CERS5: variants seen among roughly 807,000 people sequenced by gnomAD.
The protein encoded by CERS5 is ceramide synthase 5, also known as LAG1 homolog, ceramide synthase 5.
A neutral mutation model predicts 58.9 loss-of-function variants in CERS5; 37 were observed. The observed-to-expected ratio is 0.63, with a 90% confidence interval of 0.48 to 0.83. The LOEUF is 0.83. Ranked by LOEUF, CERS5 falls within the 40% of genes least tolerant of loss-of-function variation. CERS5 has a pLI of 0.00. For missense variants in CERS5, 398 were observed against 489.3 expected (o/e 0.81, Z 1.76); for synonymous variants, 147 against 177.8 (o/e 0.83, Z 1.38).
At chr12:50,137,866 G>A (rs200952043) in intron 5 of CERS5, 46 bp from the exon 6 acceptor site, 99 of 1,256,054 alleles carry the variant, frequency 7.9e-5, no homozygotes, top group Admixed American at 4.8e-4. Context: ...AGTCAAAGGT[G>A]CATTCCATCT....
intron 1 of CERS5, among the ~76,000 whole-genome samples, chr12:50,161,344 T>C (rs972087599): frequency 2.6e-5 from 4 of 152,202 alleles, no homozygotes; most frequent in Non-Finnish European, 5.9e-5. Context: ...GTGTGGTTGA[T>C]GAGAAGGAAG....
rs759896524 is a variant in CERS5 at position 50,167,243 on chromosome 12, C to G, written c.55G>C (p.Glu19Gln). 2.5e-6 allele frequency: 4 copies of G among 1,599,358 alleles called. No homozygotes were observed. Among genetic ancestry groups the G allele is most frequent in the Middle Eastern group, 1.7e-4 (1 of 5,998 alleles). ...LSLLWGWLWS[E>Q]RFWLPENVSW... ...ACGTTCTCGGGTAGCCAGAAGCGCT[C>G]GCTCCACAGCCAGCCCCACAGCAAG... The change falls in exon 1 of 10, where the codon GAG (glutamate) becomes CAG (glutamine). Residue 19 changes from glutamate to glutamine, a missense_variant. By Grantham distance (29) the Glu-to-Gln change is conservative. Transcript: ENST00000317551.
At position 50,136,077 on chromosome 12, in the gene CERS5, G is replaced by A; in HGVS notation, c.637-8C>T. 2 of 1,478,598 alleles carry A rather than the reference G, an allele frequency of 1.4e-6. No homozygotes were observed. The highest frequency in any genetic ancestry group is 1.8e-6 in the Non-Finnish European group (2 of 1,116,678). 91.6% of individuals were successfully genotyped at this position (1,478,598 alleles called of 1,614,324 possible). A position where few individuals can be genotyped will look rare whatever the true frequency, so the allele number is the denominator to read the frequency against. On this transcript the variant is annotated splice_region_variant and splice_polypyrimidine_tract_variant and intron_variant, in intron 6 of 9. Coordinates refer to ENST00000317551, the MANE Select transcript of CERS5 (RefSeq NM_147190.5). ...AAACATGATCAGGAAGTCCTAGGAA[G>A]GAATGGAAATAGAAGAGGGAGGTAA...
chr12:50,140,284 A>ATTTTTTTTTTTTTTTTTTTTTTTTT lies in CERS5; in HGVS notation c.493-1692_493-1668dup, dbSNP rs57651378. 7.3e-5 allele frequency among the ~76,000 whole-genome samples: 7 copies of ATTTTTTTTTTTTTTTTTTTTTTTTT among 96,252 alleles called. 2 individuals carry two copies. The highest frequency in any genetic ancestry group is 2.2e-4 in the African/African-American group (5 of 22,354). The allele number at this position is 96,252 out of a possible 152,430, so 63.1% of individuals were successfully genotyped here. Reference sequence around the variant, plus strand: ...TTGAGAAGAGTTGTTTAACTTCCAAATTTTTTTTTTTTTTTTTTTTTTTTT... The same window carrying ATTTTTTTTTTTTTTTTTTTTTTTTT: ...TTGAGAAGAGTTGTTTAACTTCCAAATTTTTTTTTTTTTTTTTTTTTTTTTTTTTTTTTTTTTTTTTTTTTTTTTT... On this transcript the variant is annotated intron_variant, in intron 4 of 9. Coordinates refer to ENST00000317551, the MANE Select transcript of CERS5 (RefSeq NM_147190.5).
chr12:50,148,946 ATGTGTGTGTGTGTGTGTGTGTGTGCGTG>A (rs1952501680), intron 1 of CERS5, among the ~76,000 whole-genome samples: 40 of 103,002 alleles, frequency 3.9e-4, no homozygotes, highest in African/African-American at 6.1e-4. Context: ...ATATATATAT[ATGTGTGTGTGTGTGTGTGTGTGTGCGTG>A]TAGACATTTT....
At chr12:50,163,504 C>T (rs112996517) in intron 1 of CERS5, among the ~76,000 whole-genome samples, 1 of 151,370 alleles carries the variant, frequency 6.6e-6, no homozygotes, top group Non-Finnish European at 1.5e-5. Flanking sequence ...GGCCATGCCC[C>T]GATATTTTTG....
At chr12:50,135,224 AG>A (rs1951601056) in intron 8 of CERS5, among the ~76,000 whole-genome samples, 1 of 61,078 alleles carries the variant, frequency 1.6e-5, no homozygotes, top group Admixed American at 2.2e-4. Flanking sequence ...AGGGAGAGAG[AG>A]GAGGACAGGG....
intron 2 of CERS5, 159 bp from the exon 3 acceptor site, chr12:50,143,363 T>G: frequency 1.3e-6 from 1 of 760,828 alleles, no homozygotes; most frequent in Non-Finnish European, 2.1e-6. Flanking sequence ...AGAAATTTTA[T>G]CTTACATATC....
chr12:50,132,973 G>A (rs574625547), intron 9 of CERS5: 51 of 1,289,088 alleles, frequency 4.0e-5, no homozygotes, highest in Admixed American at 9.2e-5. Context: ...TGCAAGAGAT[G>A]AAACTGTCCA....
At chr12:50,144,848 T>C in intron 1 of CERS5, 1 of 1,453,908 alleles carries the variant, frequency 6.9e-7, no homozygotes, top group South Asian at 1.3e-5. Context: ...TTAAAAAGAA[T>C]AAAAAAGCCG....
At chr12:50,164,327 T>C (rs1385035938) in intron 1 of CERS5, among the ~76,000 whole-genome samples, 1 of 151,440 alleles carries the variant, frequency 6.6e-6, no homozygotes, top group East Asian at 1.9e-4. Flanking sequence ...CCTGGCTACT[T>C]GGGAGGCTGA....
At chr12:50,138,398 T>TG (rs375219019) in intron 5 of CERS5, among the ~76,000 whole-genome samples, 169 bp downstream of exon 5, 67 of 126,308 alleles carry the variant, frequency 5.3e-4, no homozygotes, top group East Asian at 3.3e-3. Context: ...CTCTTAGCAG[T>TG]GGGGGGGAAA....
At chr12:50,134,329 ATGCCACTGAACTCCAGCCTGGG>A (rs1377758501) in intron 9 of CERS5, 195 bp downstream of exon 9, 1 of 1,253,592 alleles carries the variant, frequency 8.0e-7, no homozygotes, top group African/African-American at 1.5e-5. Context: ...AGCTATGATC[ATGCCACTGAACTCCAGCCTGGG>A]TGACAGAGCA....
At chr12:50,135,637 G>T (rs1951650230) in intron 8 of CERS5, 95 bp downstream of exon 8, 1 of 925,620 alleles carries the variant, frequency 1.1e-6, no homozygotes, top group Non-Finnish European at 1.8e-6. Context: ...AAGTAGAATA[G>T]AATAGAACAG....
chr12:50,140,284 A>ATTTTTTTTTTTTTTTTTTTTTTTTTT (rs57651378), intron 4 of CERS5, among the ~76,000 whole-genome samples: 10 of 96,252 alleles, frequency 1.0e-4, no homozygotes, highest in African/African-American at 4.0e-4. Flanking sequence ...TAACTTCCAA[A>ATTTTTTTTTTTTTTTTTTTTTTTTTT]TTTTTTTTTT....
In CERS5 at chr12:50,156,299, G is replaced by GAGGCCAA. The variant is rs1938611444; in HGVS notation, c.197+10795_197+10801dup. On this transcript the variant is annotated intron_variant, in intron 1 of 9. Transcript: ENST00000317551. Reference sequence around the variant, plus strand: ...TGCGCCTGTAGTCCCAGCTGCTGGGGAGGCCAAGGCAGGAGAATGGCGTGA... The same window carrying GAGGCCAA: ...TGCGCCTGTAGTCCCAGCTGCTGGGGAGGCCAAAGGCCAAGGCAGGAGAATGGCGTGA... Among the ~76,000 whole-genome samples, 4 of 148,900 alleles carry GAGGCCAA rather than the reference G, an allele frequency of 2.7e-5. No individual in the cohort carries two copies. In the South Asian group the frequency reaches 8.4e-4, roughly 31 times the overall value.
intron 1 of CERS5, among the ~76,000 whole-genome samples, chr12:50,151,209 A>C (rs1014341612): frequency 8.5e-5 from 13 of 152,114 alleles, no homozygotes; most frequent in Non-Finnish European, 1.6e-4. Flanking sequence ...TTCTGTCCCT[A>C]CACTCCACTG....
Position 50,142,548 on chromosome 12 carries a change from CA to C in CERS5, c.435-439del, listed in dbSNP as rs55654212. Among the ~76,000 whole-genome samples the C allele has an allele frequency of 1.8e-3, 159 of 86,798 alleles. 1 individual carries two copies. The highest frequency in any genetic ancestry group is 3.9e-3 in the African/African-American group (91 of 23,400). The allele number at this position is 86,798 out of a possible 152,430, so 56.9% of individuals were successfully genotyped here. A position where few individuals can be genotyped will look rare whatever the true frequency, so the allele number is the denominator to read the frequency against. On this transcript the variant is annotated intron_variant, in intron 3 of 9. Coordinates refer to ENST00000317551, the MANE Select transcript of CERS5 (RefSeq NM_147190.5). Reference sequence around the variant, plus strand: ...CTGGTGACAGAGCAAGACTCCGTCTCAAAAAAAAAAAAAAAAAAGCCAAAGC... The same window carrying C: ...CTGGTGACAGAGCAAGACTCCGTCTCAAAAAAAAAAAAAAAAAGCCAAAGC...
intron 1 of CERS5, among the ~76,000 whole-genome samples, chr12:50,149,339 AC>A (rs1176233662): frequency 6.6e-6 from 1 of 152,120 alleles, no homozygotes; most frequent in Admixed American, 6.6e-5. Flanking sequence ...GAGTCTAGTG[AC>A]CCATCCTGAC....
Sources: allele counts gnomAD v4.1 joint callset (sites outside exome capture counted in the v4.1 genomes callset), GRCh38; gene constraint gnomAD v4.1.1; transcripts MANE v1.5; gene names NCBI Gene and HGNC (gene_info 2026-07-23, HGNC 2026-07-21).